The following SLC35F5 variants were observed in gnomAD, a reference collection of about 807,000 sequenced individuals.
The protein encoded by SLC35F5 is solute carrier family 35 member F5.
A neutral mutation model predicts 68.6 loss-of-function variants in SLC35F5; 54 were observed. The ratio of observed to expected loss-of-function variants is 0.79; its 90% CI spans 0.63 to 0.99. SLC35F5 has a LOEUF of 0.99. Among genes scored for constraint, SLC35F5 ranks in the 50% least tolerant of loss-of-function variants. SLC35F5 has a pLI of 0.00. For synonymous variants in SLC35F5, 211 were observed against 205.2 expected, an observed-to-expected ratio of 1.03 and a Z score of -0.24; for missense variants, 567 against 626.9, an observed-to-expected ratio of 0.90 and a Z score of 1.02.
At chr2:113,756,276 C>T (rs1676984688) in intron 1 of SLC35F5, 94 bp downstream of exon 1, 2 of 1,543,856 alleles carry the variant, frequency 1.3e-6, no homozygotes, top group Non-Finnish European at 1.7e-6. Context: ...CAAGGCGCTC[C>T]TGCTGCCACC....
intron 7 of SLC35F5, among the ~76,000 whole-genome samples, chr2:113,741,700 A>T (rs991659735): frequency 6.0e-5 from 2 of 33,260 alleles, no homozygotes; most frequent in African/African-American, 3.5e-4. Flanking sequence ...AAACTCCATT[A>T]AAAAAAAAAA....
chr2:113,754,528 C>G (rs1345501833), intron 3 of SLC35F5, among the ~76,000 whole-genome samples: 1 of 152,050 alleles, frequency 6.6e-6, no homozygotes, highest in Non-Finnish European at 1.5e-5. Context: ...ATTAACCAAG[C>G]AGAATAAAGT....
intron 13 of SLC35F5, chr2:113,719,730 G>A (rs192541456): frequency 1.0e-4 from 16 of 154,792 alleles, no homozygotes; most frequent in Admixed American, 2.0e-4. Context: ...GTATATTTTC[G>A]TAAAAAGTTA....
chr2:113,749,326 A>G (rs1676644240), intron 4 of SLC35F5, among the ~76,000 whole-genome samples: 1 of 152,190 alleles, frequency 6.6e-6, no homozygotes, highest in South Asian at 2.1e-4. Context: ...ATAGTGAGAC[A>G]CTGTCTCTAC....
Position 113,728,972 on chromosome 2 carries a change from A to G in SLC35F5, c.1090+429T>C, listed in dbSNP as rs142192052. 3.4e-3 allele frequency among the ~76,000 whole-genome samples: 515 copies of G among 152,346 alleles called. 9 individuals are homozygous for G. Among genetic ancestry groups the G allele is most frequent in the African/African-American group, 0.012 (495 of 41,592 alleles). The stretch of plus-strand genomic sequence containing the variant: ...TTAAATGGCCCACAATTTTTAATGT[A>G]CATAAGTACATAGACTGCGACAGCA... On this transcript the variant is annotated intron_variant, in intron 11 of 15. Coordinates refer to ENST00000245680, the MANE Select transcript of SLC35F5 (RefSeq NM_025181.5).
rs187116822 is a variant in SLC35F5 at position 113,708,054 on chromosome 2, C to T, written c.*7164G>A. On this transcript the variant is annotated 3_prime_UTR_variant, in exon 16 of 16. Coordinates refer to ENST00000245680, the MANE Select transcript of SLC35F5 (RefSeq NM_025181.5). ...TTTTGGAAAATAGATCTTTCAAATGCAATTGCAGTATCCAAGGAAATTCCT... is the reference window on the plus strand; with the variant it reads ...TTTTGGAAAATAGATCTTTCAAATGTAATTGCAGTATCCAAGGAAATTCCT... Among the ~76,000 whole-genome samples the T allele has an allele frequency of 8.0e-4, 122 of 152,036 alleles. 1 individual carries two copies. Among genetic ancestry groups the T allele is most frequent in the African/African-American group, 2.8e-3 (115 of 41,532 alleles).
intron 10 of SLC35F5, among the ~76,000 whole-genome samples, chr2:113,729,844 C>A (rs1315102167): frequency 2.6e-5 from 4 of 151,966 alleles, no homozygotes; most frequent in African/African-American, 9.7e-5. Flanking sequence ...CTTATTTTAC[C>A]CTACCTAAAC....
At chr2:113,732,481 G>A (rs915003993) in intron 9 of SLC35F5, among the ~76,000 whole-genome samples, 2 of 152,114 alleles carry the variant, frequency 1.3e-5, no homozygotes, top group Admixed American at 1.3e-4. Context: ...CAGTGTGGCA[G>A]TGGGAGAGGA....
chr2:113,748,753 C>T (rs1282104307), intron 4 of SLC35F5, among the ~76,000 whole-genome samples: 1 of 152,146 alleles, frequency 6.6e-6, no homozygotes, highest in Non-Finnish European at 1.5e-5. Context: ...TGTGTGTGTA[C>T]ATGAGTATAC....
chr2:113,720,985 A>T (rs980446782), intron 13 of SLC35F5, among the ~76,000 whole-genome samples: 6 of 151,748 alleles, frequency 4.0e-5, no homozygotes, highest in Admixed American at 2.0e-4. Flanking sequence ...TGTAAACAAA[A>T]TTTTTTTTTC....
At chr2:113,718,800 AG>A (rs1687274980) in intron 14 of SLC35F5, among the ~76,000 whole-genome samples, 2 of 151,902 alleles carry the variant, frequency 1.3e-5, no homozygotes, top group Admixed American at 6.6e-5. Context: ...GTCAAGAAAG[AG>A]AAAAAAAGAA....
chr2:113,734,712 T>C, intron 8 of SLC35F5, 39 bp from the exon 9 acceptor site: 1 of 1,239,992 alleles, frequency 8.1e-7, no homozygotes, highest in African/African-American at 1.5e-5. Context: ...TACATGAGTT[T>C]AAATACTGTC....
At position 113,723,006 on chromosome 2, in the gene SLC35F5, A is replaced by G. The variant is rs184394219; in HGVS notation, c.1341+98T>C. Reference sequence around the variant, plus strand: ...GGAGAGAAAGCATCAAGTATTATTTATGTTTGTATCCTTATAATTTAATCA... The same window carrying G: ...GGAGAGAAAGCATCAAGTATTATTTGTGTTTGTATCCTTATAATTTAATCA... On this transcript the variant is annotated intron_variant, in intron 13 of 15. Transcript: ENST00000245680. 19 of 708,278 alleles carry G rather than the reference A, an allele frequency of 2.7e-5. No homozygotes were observed. In the East Asian group the frequency reaches 5.4e-4, roughly 20 times the overall value. 43.9% of individuals were successfully genotyped at this position (708,278 alleles called of 1,614,324 possible).
At chr2:113,724,851 C>G (rs1293794747) in intron 12 of SLC35F5, among the ~76,000 whole-genome samples, 1 of 152,110 alleles carries the variant, frequency 6.6e-6, no homozygotes, top group Non-Finnish European at 1.5e-5. Flanking sequence ...TACAGCATAT[C>G]AAAGTATGTT....
downstream of SLC35F5, among the ~76,000 whole-genome samples, chr2:113,704,515 A>G (rs1454304119): frequency 6.6e-6 from 1 of 152,194 alleles, no homozygotes; most frequent in Non-Finnish European, 1.5e-5. Flanking sequence ...GGGAAGGCTC[A>G]GGCATGGCGG....
intron 10 of SLC35F5, among the ~76,000 whole-genome samples, chr2:113,730,959 G>C (rs6739072): frequency 0.5 from 76,644 of 151,938 alleles, 19,938 homozygotes; most frequent in Middle Eastern, 0.67. Flanking sequence ...GAGTAGGGTG[G>C]TTAATTTTAA....
chr2:113,750,424 CA>C lies in SLC35F5; in HGVS notation c.417del (p.Phe140LeufsTer17). ...TRGLRGKHAA[F>X]FADAEGYFAA... ...ACAGACAGTTAAAATTAAAAACTTA[CA>C]AAAGCAGCATGCTTTCCGCGAAGTC... On this transcript the variant is annotated frameshift_variant and splice_region_variant, in exon 4 of 16. Transcript: ENST00000245680. LOFTEE classifies it high-confidence loss of function. 1 of 1,592,214 alleles carries C rather than the reference CA, an allele frequency of 6.3e-7. No individual in the cohort carries two copies. Among genetic ancestry groups the C allele is most frequent in the Non-Finnish European group, 8.5e-7 (1 of 1,170,872 alleles).
chr2:113,754,332 A>G (rs761253681), intron 3 of SLC35F5, among the ~76,000 whole-genome samples: 42 of 151,864 alleles, frequency 2.8e-4, no homozygotes, highest in Non-Finnish European at 3.2e-4. Context: ...TTATATACTC[A>G]TAGGATACAA....
intron 7 of SLC35F5, among the ~76,000 whole-genome samples, chr2:113,738,225 AT>A (rs1009362613): frequency 2.8e-4 from 43 of 152,314 alleles, no homozygotes; most frequent in African/African-American, 9.6e-4. Context: ...TATAATTGAA[AT>A]TATGTACTCT....
Sources: gnomAD v4.1 joint callset for allele counts (sites outside exome capture counted in the v4.1 genomes callset) on GRCh38, gnomAD v4.1.1 for gene constraint, MANE v1.5 for transcripts, NCBI Gene and HGNC (gene_info 2026-07-23, HGNC 2026-07-21) for gene names.